AOPEP: variants seen among roughly 807,000 people sequenced by gnomAD.
AOPEP encodes aminopeptidase O (putative).
A neutral mutation model predicts 98.1 loss-of-function variants in AOPEP; 77 were observed. The ratio of observed to expected loss-of-function variants is 0.78; its 90% confidence interval spans 0.65 to 0.95. The LOEUF (loss-of-function observed/expected upper bound fraction) is 0.95, where lower values mean the gene tolerates loss of function less well. Ranked by LOEUF, AOPEP falls within the 40% of genes least tolerant of loss-of-function variation. AOPEP has a pLI of 0.00. For synonymous variants in AOPEP, 346 were observed against 365.3 expected (o/e 0.95, Z 0.60); for missense variants, 1,024 against 1,024.7 (o/e 1.00, Z 0.01).
At chr9:94,791,390 G>A (rs1314958351) in intron 3 of AOPEP, among the ~76,000 whole-genome samples, 2 of 151,930 alleles carry the variant, frequency 1.3e-5, no homozygotes, top group Non-Finnish European at 2.9e-5. Flanking sequence ...CTATCAGGCT[G>A]GGCACAGTAG....
rs1837862551 is a variant in AOPEP at position 94,759,855 on chromosome 9, G to A, written c.72G>A (p.Lys24=). The A allele has an allele frequency of 3.1e-6, 5 of 1,614,134 alleles. No individual in the cohort carries two copies. Among genetic ancestry groups the A allele is most frequent in the Non-Finnish European group, 4.2e-6 (5 of 1,180,004 alleles). The change falls in exon 2 of 17, where the codon AAG becomes AAA. Residue 24 remains lysine (K), a synonymous_variant. Coordinates refer to ENST00000375315, the MANE Select transcript of AOPEP (RefSeq NM_001193329.3). ...CCAACACCAGCCACATACTTGTGAA[G>A]CACTATGTACTGGATTTGGATGTGG... ...LMANTSHILV[K]HYVLDLDVDF...
the AOPEP span, among the ~76,000 whole-genome samples, chr9:95,115,435 G>C: frequency 6.6e-6 from 1 of 152,188 alleles, no homozygotes; most frequent in Admixed American, 6.5e-5. Flanking sequence ...ATTAGGAATA[G>C]ACTGCCTGAC....
chr9:94,924,127 AG>A lies in AOPEP; in HGVS notation c.1508del (p.Gly503AlafsTer28). On this transcript the variant is annotated frameshift_variant, in exon 6 of 17. Transcript: ENST00000375315. LOFTEE classifies it high-confidence loss of function. ...RDWTEEWLSE[G>X]FATHLEDVFW... ...ACTGGACGGAGGAGTGGCTGAGTGA[AG>A]GCTTCGCCACTCACTTGGAGGATGT... is the stretch of plus-strand genomic sequence containing the variant. 1 of 1,497,198 alleles carries A rather than the reference AG, an allele frequency of 6.7e-7. No individual in the cohort carries two copies. Among genetic ancestry groups the A allele is most frequent in the East Asian group, 2.7e-5 (1 of 37,722 alleles). The allele number at this position is 1,497,198 out of a possible 1,614,324, so 92.7% of individuals were successfully genotyped here.
intron 5 of AOPEP, among the ~76,000 whole-genome samples, chr9:94,823,630 C>G (rs752203640): frequency 4.3e-4 from 66 of 152,176 alleles, no homozygotes; most frequent in Non-Finnish European, 8.4e-4. Context: ...TACCTTGGCT[C>G]TTCCCCGGGT....
chr9:94,978,717 C>T (rs79525192), intron 10 of AOPEP, among the ~76,000 whole-genome samples: 6,284 of 152,114 alleles, frequency 0.041, 439 homozygotes, highest in African/African-American at 0.14. Flanking sequence ...TCTGGTGATC[C>T]TAAATATACT....
chr9:94,744,701 C>CAAAAAAA (rs757571360), intron 1 of AOPEP, among the ~76,000 whole-genome samples: 3 of 56,068 alleles, frequency 5.4e-5, no homozygotes, highest in Admixed American at 1.9e-4. Flanking sequence ...GACTCTGTCT[C>CAAAAAAA]AAAAAAAAAA....
In AOPEP at chr9:95,023,693, C is replaced by T. The variant is rs570005840; in HGVS notation, c.2115+18077C>T. 5.1e-4 allele frequency among the ~76,000 whole-genome samples: 77 copies of T among 152,300 alleles called. No homozygotes were observed. In the South Asian group the frequency reaches 0.016, roughly 31 times the overall value. On this transcript the variant is annotated intron_variant, in intron 13 of 16. Transcript: ENST00000375315. Reference sequence around the variant, plus strand: ...CAACAAGTGTTGAGATCTCCCCTGACCCCCGCCTCCCAGCAACTACAGAGG... The same window carrying T: ...CAACAAGTGTTGAGATCTCCCCTGATCCCCGCCTCCCAGCAACTACAGAGG...
the AOPEP span, chr9:95,111,421 C>A: frequency 2.5e-6 from 4 of 1,601,846 alleles, no homozygotes; most frequent in Non-Finnish European, 2.5e-6. Flanking sequence ...CTCAGCCCCC[C>A]AGAGCCCACC....
chr9:95,016,269 C>T (rs1411094655), intron 13 of AOPEP, among the ~76,000 whole-genome samples: 10 of 78,412 alleles, frequency 1.3e-4, no homozygotes, highest in South Asian at 3.7e-4. Flanking sequence ...TTTTTTGAAA[C>T]GTATTCTCTA....
rs1275571907 is a variant in AOPEP, at chr9:94,759,680, AGTT to A, written c.-100_-98del. 2 of 872,374 alleles carry A rather than the reference AGTT, an allele frequency of 2.3e-6. No homozygotes were observed. The highest frequency in any genetic ancestry group is 3.5e-6 in the Non-Finnish European group (2 of 577,684). The allele number at this position is 872,374 out of a possible 1,614,324, so 54.0% of individuals were successfully genotyped here. Reference sequence around the variant, plus strand: ...GAAAGGAACCATAATTTGTGACATCAGTTGTTTTCTTTGATAAGCAGCTATTTA... The same window carrying A: ...GAAAGGAACCATAATTTGTGACATCAGTTTTCTTTGATAAGCAGCTATTTA... On this transcript the variant is annotated 5_prime_UTR_variant, in exon 2 of 17. Coordinates refer to ENST00000375315, the MANE Select transcript of AOPEP (RefSeq NM_001193329.3).
intron 5 of AOPEP, among the ~76,000 whole-genome samples, chr9:94,840,300 G>A (rs1406379914): frequency 6.6e-6 from 1 of 152,172 alleles, no homozygotes; most frequent in Non-Finnish European, 1.5e-5. Flanking sequence ...GATTACAGTG[G>A]TTGATTTTCA....
At chr9:94,885,348 CAAAAAAAAAAAAAAAAAAAAAAAAAAA>C (rs71366268) in intron 5 of AOPEP, among the ~76,000 whole-genome samples, 1 of 35,952 alleles carries the variant, frequency 2.8e-5, no homozygotes, top group Non-Finnish European at 5.1e-5. Flanking sequence ...GATCCTGTCT[CAAAAAAAAAAAAAAAAAAAAAAAAAAA>C]AAAAAAAAAA....
At chr9:94,771,319 G>A (rs1840819546) in intron 2 of AOPEP, among the ~76,000 whole-genome samples, 1 of 152,136 alleles carries the variant, frequency 6.6e-6, no homozygotes, top group Non-Finnish European at 1.5e-5. Flanking sequence ...CGCTTCACCA[G>A]CCCAATACCC....
At chr9:95,013,483 A>AT (rs2062733629) in intron 13 of AOPEP, among the ~76,000 whole-genome samples, 1 of 150,356 alleles carries the variant, frequency 6.7e-6, no homozygotes, top group African/African-American at 2.5e-5. Context: ...TAATCTCCTC[A>AT]TTATTCCCTT....
chr9:94,789,125 C>T (rs1845082492), intron 3 of AOPEP, among the ~76,000 whole-genome samples: 1 of 152,226 alleles, frequency 6.6e-6, no homozygotes, highest in Non-Finnish European at 1.5e-5. Context: ...TGTCATTTGC[C>T]ACTCTGCCAT....
At chr9:94,914,170 A>G (rs2052465854) in intron 5 of AOPEP, among the ~76,000 whole-genome samples, 2 of 152,262 alleles carry the variant, frequency 1.3e-5, no homozygotes, top group South Asian at 2.1e-4. Context: ...GGAGACATGG[A>G]TGTAAGAAAT....
At chr9:95,077,436 GACAGTGAGGAGTGCCC>G (rs1182185075) in intron 14 of AOPEP, among the ~76,000 whole-genome samples, 1 of 152,240 alleles carries the variant, frequency 6.6e-6, no homozygotes, top group African/African-American at 2.4e-5. Context: ...GACCAGAAGA[GACAGTGAGGAGTGCCC>G]ACTGGTGCCA....
chr9:94,884,568 C>G (rs906875442), intron 5 of AOPEP, among the ~76,000 whole-genome samples: 1 of 152,180 alleles, frequency 6.6e-6, no homozygotes, highest in Non-Finnish European at 1.5e-5. Context: ...ACCCCAGACC[C>G]CCAGACCTGC....
chr9:94,920,530 G>A (rs1039316207), intron 5 of AOPEP, among the ~76,000 whole-genome samples: 1 of 152,180 alleles, frequency 6.6e-6, no homozygotes, highest in Non-Finnish European at 1.5e-5. Context: ...TCCACCCACA[G>A]CAAGATGGGC....
Sources: allele counts gnomAD v4.1 joint callset (sites outside exome capture counted in the v4.1 genomes callset), GRCh38; gene constraint gnomAD v4.1.1; transcripts MANE v1.5; gene names NCBI Gene and HGNC (gene_info 2026-07-23, HGNC 2026-07-21).